Variants in EIF3B observed in about 807,000 individuals in gnomAD.
EIF3B encodes eukaryotic translation initiation factor 3 subunit B, also known as eukaryotic translation initiation factor 3 subunit 9.
EIF3B carries 10 observed loss-of-function variants against 104.6 expected under a neutral mutation model. The observed-to-expected ratio is 0.10, with a 90% CI of 0.06 to 0.16. The LOEUF (loss-of-function observed/expected upper bound fraction) is 0.16. EIF3B is among the 10% of genes least tolerant of loss of function. The pLI, the probability that EIF3B is intolerant of heterozygous loss-of-function variation, is 1.00. For synonymous variants in EIF3B, 542 were observed against 417.2 expected (o/e 1.30, Z -3.65); for missense variants, 1,014 against 1,087.9 (o/e 0.93, Z 0.96).
chr7:2,366,193 G>A (rs1211849416), intron 6 of EIF3B, 124 bp from the exon 7 acceptor site: 2 of 1,023,334 alleles, frequency 2.0e-6, no homozygotes. Flanking sequence ...CTTGGGGCCG[G>A]GCAGTGTGGG....
chr7:2,377,059 G>A lies in EIF3B; in HGVS notation c.2138G>A (p.Ser713Asn), dbSNP rs756683173. 6.2e-6 allele frequency: 10 copies of A among 1,612,218 alleles called. No individual in the cohort carries two copies. The highest frequency in any genetic ancestry group is 7.6e-6 in the Non-Finnish European group (9 of 1,178,978). The part of the protein sequence containing the change: ...LWRPRPPTLL[S>N]QEQIKQIKKD... The stretch of plus-strand genomic sequence containing the variant: ...CGGCCCCGGCCTCCCACACTCCTGA[G>A]CCAGGAACAGATCAAGGTCAGCATG... The change falls in exon 15 of 19, where the codon AGC becomes AAC. Residue 713 changes from serine (S) to asparagine (N), a missense_variant. By Grantham distance (46) the Ser-to-Asn change is conservative (BLOSUM62 1). This residue lies in a region of EIF3B where 266 missense variants were observed against 324.0 expected (regional missense o/e 0.82). Transcript: ENST00000360876.
rs550438381 is a variant in EIF3B at position 2,379,054 on chromosome 7, C to T, written c.2233-80C>T. ...CCTCTGTATGCTGTCCTTCTGGCACCGTCCGCCTGGGTGTGGGCTCTTCGC... is the reference window on the plus strand; with the variant it reads ...CCTCTGTATGCTGTCCTTCTGGCACTGTCCGCCTGGGTGTGGGCTCTTCGC... On this transcript the variant is annotated intron_variant, in intron 16 of 18. Transcript: ENST00000360876. 1.5e-4 allele frequency: 189 copies of T among 1,232,274 alleles called. No individual in the cohort carries two copies. The African/African-American group carries it at 1.6e-3, about 10-fold the overall frequency. 76.3% of individuals were successfully genotyped at this position (1,232,274 alleles called of 1,614,324 possible).
intron 14 of EIF3B, among the ~76,000 whole-genome samples, 186 bp downstream of exon 14, chr7:2,375,713 T>C (rs1239276144): frequency 6.6e-6 from 1 of 152,080 alleles, no homozygotes; most frequent in African/African-American, 2.4e-5. Flanking sequence ...TGGCGCCGAG[T>C]GCAGGAGCAG....
At chr7:2,365,870 C>T (rs1168675085) in intron 6 of EIF3B, among the ~76,000 whole-genome samples, 1 of 151,920 alleles carries the variant, frequency 6.6e-6, no homozygotes, top group Non-Finnish European at 1.5e-5. Context: ...GAGACAGGGT[C>T]TCACCATGTC....
chr7:2,357,028 C>T (rs1392178981), intron 1 of EIF3B, among the ~76,000 whole-genome samples: 4 of 152,140 alleles, frequency 2.6e-5, no homozygotes, highest in Admixed American at 1.3e-4. Flanking sequence ...CCAGACTCTC[C>T]TGCTCAGAAC....
At chr7:2,366,966 G>A in intron 8 of EIF3B, 33 bp from the exon 9 acceptor site, 1 of 1,602,806 alleles carries the variant, frequency 6.2e-7, no homozygotes, top group Non-Finnish European at 8.5e-7. Flanking sequence ...GACATGATTT[G>A]ACTCAACTGC....
At chr7:2,366,651 G>T (rs1780041689) in intron 8 of EIF3B, 60 bp downstream of exon 8, 2 of 1,582,542 alleles carry the variant, frequency 1.3e-6, no homozygotes, top group East Asian at 2.2e-5. Flanking sequence ...CCGGGGTGTG[G>T]TGCCTTTCCT....
At chr7:2,379,567 G>C (rs1342385706) in intron 18 of EIF3B, 56 bp downstream of exon 18, 1 of 1,118,098 alleles carries the variant, frequency 8.9e-7, no homozygotes, top group Non-Finnish European at 1.3e-6. Flanking sequence ...TGCTGCTTCA[G>C]TTATCCCCGT....
Position 2,363,056 on chromosome 7 carries a change from C to G in EIF3B, c.813-14C>G, listed in dbSNP as rs1034197604. 6.2e-7 allele frequency: 1 copy of G among 1,613,980 alleles called. No individual in the cohort carries two copies. Reference sequence around the variant, plus strand: ...GTCAGGGCGTGGGGCTCAGCAGTCTCCTTTCTTCTCCAGGTATATGACGAT... The same window carrying G: ...GTCAGGGCGTGGGGCTCAGCAGTCTGCTTTCTTCTCCAGGTATATGACGAT... On this transcript the variant is annotated splice_polypyrimidine_tract_variant and intron_variant, in intron 3 of 18. Transcript: ENST00000360876.
rs1764527591 is a variant in EIF3B at position 2,380,662 on chromosome 7, A to G, written c.*473A>G. 1 of 230,646 alleles carries G rather than the reference A, an allele frequency of 4.3e-6. No homozygotes were observed. Among genetic ancestry groups the G allele is most frequent in the African/African-American group, 2.3e-5 (1 of 43,020 alleles). The allele number at this position is 230,646 out of a possible 1,614,324, so 14.3% of individuals were successfully genotyped here. A position where few individuals can be genotyped will look rare whatever the true frequency, so the allele number is the denominator to read the frequency against. On this transcript the variant is annotated 3_prime_UTR_variant, in exon 19 of 19. Coordinates refer to ENST00000360876, the MANE Select transcript of EIF3B (RefSeq NM_001037283.2). ...GGAGACCCACCGGGAGGGCGCCGCC[A>G]TGCCTTGTACCCCCACCGTGCAGGT...
rs375827322 is a variant in EIF3B, at chr7:2,380,280, G to A, written c.*91G>A. ...TGAGCCGCGGTTCCTCTGTTGCAGC[G>A]CAGCCGTGTGTGCTGTGGAGCCGAG... On this transcript the variant is annotated 3_prime_UTR_variant, in exon 19 of 19. Coordinates refer to ENST00000360876, the MANE Select transcript of EIF3B (RefSeq NM_001037283.2). The A allele has an allele frequency of 2.0e-5, 10 of 506,152 alleles. No homozygotes were observed. Among genetic ancestry groups the A allele is most frequent in the African/African-American group, 7.8e-5 (4 of 51,570 alleles). The allele number at this position is 506,152 out of a possible 1,614,324, so 31.4% of individuals were successfully genotyped here.
chr7:2,374,263 A>C, intron 12 of EIF3B: 1 of 356,814 alleles, frequency 2.8e-6, no homozygotes, highest in East Asian at 4.5e-5. Context: ...TGTAAAGGGA[A>C]TTCTTTGTCC....
chr7:2,375,243 G>C (rs1402964692), intron 13 of EIF3B, 146 bp from the exon 14 acceptor site: 9 of 903,678 alleles, frequency 1.0e-5, no homozygotes, highest in Non-Finnish European at 1.6e-5. Flanking sequence ...GTCTCACAGC[G>C]GCCACCAGAG....
intron 2 of EIF3B, among the ~76,000 whole-genome samples, chr7:2,361,582 G>T (rs2115289718): frequency 6.6e-6 from 1 of 152,018 alleles, no homozygotes; most frequent in South Asian, 2.1e-4. Context: ...ACCACGCCCG[G>T]CTAATTTTTT....
intron 9 of EIF3B, 84 bp from the exon 10 acceptor site, chr7:2,369,388 A>C: frequency 7.0e-7 from 1 of 1,425,610 alleles, no homozygotes; most frequent in South Asian, 1.2e-5. Context: ...TCTATATAGC[A>C]AATGAGTTGT....
At chr7:2,377,355 G>C (rs963801715) in intron 15 of EIF3B, among the ~76,000 whole-genome samples, 3 of 152,272 alleles carry the variant, frequency 2.0e-5, no homozygotes, top group Non-Finnish European at 4.4e-5. Context: ...GCTGGGATTA[G>C]AAGCGGCTTG....
upstream of EIF3B, chr7:2,354,223 T>C (rs752330254): frequency 4.6e-5 from 7 of 152,234 alleles, no homozygotes; most frequent in African/African-American, 7.2e-5. Context: ...CTTCCATACA[T>C]TTTTGTATCG....
Position 2,371,861 on chromosome 7 carries a change from T to A in EIF3B, c.1687+12T>A. 6.2e-7 allele frequency: 1 copy of A among 1,611,050 alleles called. No individual in the cohort carries two copies. The highest frequency in any genetic ancestry group is 8.5e-7 in the Non-Finnish European group (1 of 1,177,364). On this transcript the variant is annotated intron_variant, in intron 11 of 18. Coordinates refer to ENST00000360876, the MANE Select transcript of EIF3B (RefSeq NM_001037283.2). ...GGTCGAGATGAAAGGCAAGTTGTAT[T>A]TTAGTCACTTTGAGGCGAATGGGGC...
At chr7:2,366,673 G>A (rs952749651) in intron 8 of EIF3B, 82 bp downstream of exon 8, 3 of 1,511,084 alleles carry the variant, frequency 2.0e-6, no homozygotes, top group African/African-American at 2.8e-5. Context: ...ATTTGTGCTA[G>A]AAGAGGAGGA....
Sources: gnomAD v4.1 joint callset for allele counts (sites outside exome capture counted in the v4.1 genomes callset) on GRCh38, gnomAD v4.1.1 for gene constraint, gnomAD v4.1.1 regional missense constraint, MANE v1.5 for transcripts, NCBI Gene and HGNC (gene_info 2026-07-23, HGNC 2026-07-21) for gene names.